Variants in C19orf25 observed in about 807,000 individuals in gnomAD.
C19orf25 encodes UPF0449 protein C19orf25.
Under a neutral mutation model 3.1 loss-of-function variants are expected in C19orf25, and 1 was observed. The ratio of observed to expected loss-of-function variants is 0.32; its 90% CI spans 0.12 to 1.54. C19orf25 has a LOEUF of 1.54. Among genes scored for constraint, C19orf25 ranks in the 40% most tolerant of loss-of-function variants. The pLI, the probability that C19orf25 is intolerant of heterozygous loss-of-function variation, is 0.38. For missense variants in C19orf25, 196 were observed against 160.4 expected (o/e 1.22, Z -1.20); for synonymous variants, 91 against 74.3 (o/e 1.23, Z -1.16).
rs1248729918 is a variant in C19orf25 at position 1,478,756 on chromosome 19, G to A, written c.130+18C>T. The A allele has an allele frequency of 6.4e-6, 10 of 1,554,362 alleles. No individual in the cohort carries two copies. Among genetic ancestry groups the A allele is most frequent in the East Asian group, 2.4e-5 (1 of 41,480 alleles). On this transcript the variant is annotated intron_variant, in intron 2 of 2. Coordinates refer to ENST00000585675, the MANE Select transcript of C19orf25 (RefSeq NM_152482.3). ...GGGGTCTCAGGTCCGCTTTTCCCCG[G>A]GACCGGGCTCCCCCTACCTTCCGGG...
intron 2 of C19orf25, 78 bp from the exon 3 acceptor site, chr19:1,475,336 G>A: frequency 7.1e-7 from 1 of 1,410,208 alleles, no homozygotes; most frequent in East Asian, 2.5e-5. Context: ...GCCCCCAAAG[G>A]GCAGGGTTCC....
chr19:1,474,688 C>G lies in C19orf25; in HGVS notation c.*344G>C. The G allele has an allele frequency of 2.1e-6, 2 of 944,782 alleles. No homozygotes were observed. The highest frequency in any genetic ancestry group is 3.0e-6 in the Non-Finnish European group (2 of 662,510). The allele number at this position is 944,782 out of a possible 1,614,324, so 58.5% of individuals were successfully genotyped here. ...GAAGTGGACAGGCGAGTGCCTGCCCCGGGAGAGGAAGGAGGTGGCACCTGC... is the reference window on the plus strand; with the variant it reads ...GAAGTGGACAGGCGAGTGCCTGCCCGGGGAGAGGAAGGAGGTGGCACCTGC... On this transcript the variant is annotated 3_prime_UTR_variant, in exon 3 of 3. Transcript: ENST00000585675.
In C19orf25 at chr19:1,475,159, TGCAGCCGCTGGTTG is replaced by T. The variant is rs764753076; in HGVS notation, c.216_229del (p.Asn73AlafsTer11). The T allele has an allele frequency of 6.3e-6, 10 of 1,583,344 alleles. No homozygotes were observed. The highest frequency in any genetic ancestry group is 7.7e-6 in the Non-Finnish European group (9 of 1,166,114). ...CTGCCTCAGCACGTTGCCCGCCTGC[TGCAGCCGCTGGTTG>T]GCAGCCACGTAGGCCCGGCTTTGCT... is the stretch of plus-strand genomic sequence containing the variant. On this transcript the variant is annotated frameshift_variant, in exon 3 of 3. Transcript: ENST00000585675. LOFTEE classifies it low-confidence loss of function (END_TRUNC).
chr19:1,478,415 T>G, intron 2 of C19orf25: 2 of 240,562 alleles, frequency 8.3e-6, no homozygotes, highest in Non-Finnish European at 7.2e-6. Flanking sequence ...TAACTCTGTT[T>G]TGTTTTTGTT....
At chr19:1,477,820 CTTTA>C (rs974117926) in intron 2 of C19orf25, among the ~76,000 whole-genome samples, 49 of 152,162 alleles carry the variant, frequency 3.2e-4, no homozygotes, top group East Asian at 2.3e-3. Flanking sequence ...CTCTGTTTTA[CTTTA>C]TTTATTTCTA....
At position 1,476,588 on chromosome 19, in the gene C19orf25, C is replaced by T. The variant is rs144254633; in HGVS notation, c.131-1330G>A. On this transcript the variant is annotated intron_variant, in intron 2 of 2. Coordinates refer to ENST00000585675, the MANE Select transcript of C19orf25 (RefSeq NM_152482.3). ...ATGCTGGTCCACACCAGCCACCAGCCATGTGTGGCTCCTGGGCACTTGAAA... is the reference window on the plus strand; with the variant it reads ...ATGCTGGTCCACACCAGCCACCAGCTATGTGTGGCTCCTGGGCACTTGAAA... 696 of 328,420 alleles carry T rather than the reference C, an allele frequency of 2.1e-3. 2 individuals are homozygous for T. The highest frequency in any genetic ancestry group is 0.014 in the African/African-American group (651 of 47,406). 20.3% of individuals were successfully genotyped at this position (328,420 alleles called of 1,614,324 possible).
intron 2 of C19orf25, chr19:1,478,417 GTTTT>G: frequency 1.2e-5 from 3 of 254,618 alleles, no homozygotes; most frequent in Non-Finnish European, 2.0e-5. Context: ...ACTCTGTTTT[GTTTT>G]TGTTTTTGTT....
rs1197632508 is a variant in C19orf25 at position 1,478,791 on chromosome 19, G to A, written c.113C>T (p.Thr38Ile). 2 of 1,579,576 alleles carry A rather than the reference G, an allele frequency of 1.3e-6. No individual in the cohort carries two copies. Among genetic ancestry groups the A allele is most frequent in the Non-Finnish European group, 1.7e-6 (2 of 1,163,742 alleles). Residue 38 changes from threonine (T) to isoleucine (I), a missense_variant, in exon 2 of 3, where the codon ACC becomes ATC. Coordinates refer to ENST00000585675, the MANE Select transcript of C19orf25 (RefSeq NM_152482.3). ...RGAPAEDPVFTILAPEDPPVP... is the reference protein window; with the variant it reads ...RGAPAEDPVFIILAPEDPPVP... ...CCCCCTACCTTCCGGGGCCAGGATG[G>A]TGAACACTGGATCCTCTGCCGGCGC... is the stretch of plus-strand genomic sequence containing the variant.
Position 1,474,727 on chromosome 19 carries a change from A to C in C19orf25, c.*305T>G. The C allele has an allele frequency of 5.9e-6, 8 of 1,351,164 alleles. No individual in the cohort carries two copies. Among genetic ancestry groups the C allele is most frequent in the Non-Finnish European group, 7.8e-6 (8 of 1,028,212 alleles). 83.7% of individuals were successfully genotyped at this position (1,351,164 alleles called of 1,614,324 possible). On this transcript the variant is annotated 3_prime_UTR_variant, in exon 3 of 3. Transcript: ENST00000585675. ...GGTGGCACCTGCTCCCAGGGGCCCC[A>C]CTGCAGAGCACGGCCACTGTGAGCT... is the stretch of plus-strand genomic sequence containing the variant.
At chr19:1,476,054 G>A in intron 2 of C19orf25, 1 of 397,112 alleles carries the variant, frequency 2.5e-6, no homozygotes, top group Non-Finnish European at 4.4e-6. Flanking sequence ...TGGCGAAGGT[G>A]AGAGGTGGGC....
Position 1,475,193 on chromosome 19 carries a change from T to C in C19orf25, c.196A>G (p.Ser66Gly). The change falls in exon 3 of 3, where the codon AGC becomes GGC. Residue 66 changes from serine (S) to glycine (G), a missense_variant. Coordinates refer to ENST00000585675, the MANE Select transcript of C19orf25 (RefSeq NM_152482.3). ...TGGTTGGCAGCCACGTAGGCCCGGC[T>C]TTGCTGGTAGAGCTGCTCTCCCGGG... Reference protein sequence around the residue: ...EAPGEQLYQQSRAYVAANQRL... With the variant: ...EAPGEQLYQQGRAYVAANQRL... 6.4e-7 allele frequency: 1 copy of C among 1,569,852 alleles called. No individual in the cohort carries two copies. Among genetic ancestry groups the C allele is most frequent in the Non-Finnish European group, 8.6e-7 (1 of 1,158,648 alleles).
intron 2 of C19orf25, among the ~76,000 whole-genome samples, chr19:1,477,408 C>A (rs1179186708): frequency 1.3e-5 from 2 of 152,222 alleles, no homozygotes; most frequent in African/African-American, 4.8e-5. Context: ...CAGAGCCCAG[C>A]ACACAGGAAG....
intron 2 of C19orf25, 58 bp downstream of exon 2, chr19:1,478,716 C>G: frequency 1.3e-6 from 2 of 1,533,528 alleles, no homozygotes. Context: ...GCTTCTCTCC[C>G]GTCCCCTTGC....
chr19:1,477,841 AATT>A (rs1258778922), intron 2 of C19orf25, among the ~76,000 whole-genome samples: 1 of 152,112 alleles, frequency 6.6e-6, no homozygotes, highest in Non-Finnish European at 1.5e-5. Context: ...TCTATTTATT[AATT>A]ATTATTATAA....
rs1226118498 is a variant in C19orf25, at chr19:1,474,005, C to T, written c.*1027G>A. On this transcript the variant is annotated 3_prime_UTR_variant, in exon 3 of 3. Coordinates refer to ENST00000585675, the MANE Select transcript of C19orf25 (RefSeq NM_152482.3). The stretch of plus-strand genomic sequence containing the variant: ...TCAAGAAACAAAGCTGGCTGTGGGT[C>T]TGGAGAGAGGGTGAGGCAGCCCCAG... 6.6e-6 allele frequency: 1 copy of T among 152,488 alleles called. No homozygotes were observed. The highest frequency in any genetic ancestry group is 1.9e-4 in the East Asian group (1 of 5,192). The allele number at this position is 152,488 out of a possible 1,614,324, so 9.4% of individuals were successfully genotyped here. A position where few individuals can be genotyped will look rare whatever the true frequency, so the allele number is the denominator to read the frequency against.
intron 2 of C19orf25, chr19:1,475,621 C>T (rs1478892447): frequency 3.4e-5 from 8 of 232,592 alleles, no homozygotes; most frequent in Middle Eastern, 6.6e-4. Context: ...ACTGGGAGGC[C>T]GAGGCTGCAA....
chr19:1,476,084 C>G, intron 2 of C19orf25: 1 of 397,994 alleles, frequency 2.5e-6, no homozygotes, highest in Non-Finnish European at 4.4e-6. Flanking sequence ...CTGGTGACTC[C>G]CACATTCAGC....
chr19:1,474,602 T>G lies in C19orf25; in HGVS notation c.*430A>C. On this transcript the variant is annotated 3_prime_UTR_variant, in exon 3 of 3. Transcript: ENST00000585675. Reference sequence around the variant, plus strand: ...GGCTGGCCCTCGGGCTGCTCTGACATTGGGTGGGCACTCGCTGGATGGAAT... The same window carrying G: ...GGCTGGCCCTCGGGCTGCTCTGACAGTGGGTGGGCACTCGCTGGATGGAAT... 2.2e-6 allele frequency: 1 copy of G among 463,170 alleles called. No homozygotes were observed. Among genetic ancestry groups the G allele is most frequent in the Non-Finnish European group, 3.7e-6 (1 of 267,978 alleles). 28.7% of individuals were successfully genotyped at this position (463,170 alleles called of 1,614,324 possible).
intron 2 of C19orf25, chr19:1,476,383 C>T: frequency 5.0e-6 from 2 of 398,180 alleles, no homozygotes; most frequent in Non-Finnish European, 8.9e-6. Context: ...CCCCCGTCCC[C>T]CGCACAGCGT....
Sources: gnomAD v4.1 joint callset for allele counts (sites outside exome capture counted in the v4.1 genomes callset) on GRCh38, gnomAD v4.1.1 for gene constraint, MANE v1.5 for transcripts, NCBI Gene and HGNC (gene_info 2026-07-23, HGNC 2026-07-21) for gene names.